Variants in TMEM209 observed in about 807,000 individuals in gnomAD.
TMEM209 encodes the protein testicular tissue protein Li 202.
A neutral mutation model predicts 76.2 loss-of-function variants in TMEM209; 65 were observed. The ratio of observed to expected loss-of-function variants is 0.85; its 90% CI spans 0.70 to 1.05. The LOEUF (loss-of-function observed/expected upper bound fraction) is 1.05. Among genes scored for constraint, TMEM209 ranks in the 50% least tolerant of loss-of-function variants. TMEM209 has a pLI of 0.00. For synonymous variants in TMEM209, 239 were observed against 237.6 expected, an observed-to-expected ratio of 1.01 and a Z score of -0.06; for missense variants, 623 against 685.5, an observed-to-expected ratio of 0.91 and a Z score of 1.02.
intron 5 of TMEM209, 145 bp from the exon 6 acceptor site, chr7:130,192,968 C>T (rs1797850139): frequency 1.4e-6 from 1 of 728,034 alleles, no homozygotes; most frequent in Non-Finnish European, 2.2e-6. Flanking sequence ...TGTGGAACAA[C>T]AGAATCTCTC....
rs1447223651 is a variant in TMEM209 at position 130,194,152 on chromosome 7, T to C, written c.574-1329A>G. On this transcript the variant is annotated intron_variant, in intron 5 of 14. Transcript: ENST00000397622. Reference sequence around the variant, plus strand: ...AGGCGGAGCTTGCAGTGAGCCGAGATTGCACCACCGCACTCCAGCCTGGGT... The same window carrying C: ...AGGCGGAGCTTGCAGTGAGCCGAGACTGCACCACCGCACTCCAGCCTGGGT... Among the ~76,000 whole-genome samples the C allele has an allele frequency of 4.6e-5, 7 of 151,130 alleles. No homozygotes were observed. The East Asian group carries it at 1.4e-3, about 30-fold the overall frequency.
At chr7:130,203,897 CA>C in intron 2 of TMEM209, 51 bp from the exon 3 acceptor site, 1 of 1,590,136 alleles carries the variant, frequency 6.3e-7, no homozygotes, top group South Asian at 1.2e-5. Context: ...CACCAAAAAT[CA>C]AAAACAAACA....
intron 4 of TMEM209, 54 bp from the exon 5 acceptor site, chr7:130,202,145 C>A: frequency 1.3e-6 from 2 of 1,534,096 alleles, no homozygotes; most frequent in Non-Finnish European, 8.8e-7. Flanking sequence ...TAAAATTATA[C>A]GAAAATATAT....
At chr7:130,195,851 T>C (rs951052002) in intron 5 of TMEM209, among the ~76,000 whole-genome samples, 3 of 152,148 alleles carry the variant, frequency 2.0e-5, no homozygotes, top group Non-Finnish European at 2.9e-5. Context: ...GAATACCAAG[T>C]ATTTAGGCAG....
chr7:130,203,859 TAGAA>T lies in TMEM209; in HGVS notation c.141-17_141-14del. 6.3e-7 allele frequency: 1 copy of T among 1,598,000 alleles called. No homozygotes were observed. Among genetic ancestry groups the T allele is most frequent in the Non-Finnish European group, 8.5e-7 (1 of 1,171,664 alleles). The stretch of plus-strand genomic sequence containing the variant: ...CAATTTTCCAGTCCTGAAAAAAAAT[TAGAA>T]AGGCTTTCCAGTGAACCTAAAAACA... On this transcript the variant is annotated splice_polypyrimidine_tract_variant and intron_variant, in intron 2 of 14. Transcript: ENST00000397622.
intron 10 of TMEM209, among the ~76,000 whole-genome samples, chr7:130,176,238 G>GAGT: frequency 6.6e-6 from 1 of 151,202 alleles, no homozygotes; most frequent in Non-Finnish European, 1.5e-5. Flanking sequence ...TCAGCCTCCT[G>GAGT]AGTAGCTGGG....
At chr7:130,203,521 T>C (rs765474073) in intron 3 of TMEM209, among the ~76,000 whole-genome samples, 4 of 152,056 alleles carry the variant, frequency 2.6e-5, no homozygotes, top group African/African-American at 4.8e-5. Context: ...AGGAGAGTAA[T>C]AAAAACAAAT....
chr7:130,194,247 G>C (rs1328351725), intron 5 of TMEM209, among the ~76,000 whole-genome samples: 1 of 150,902 alleles, frequency 6.6e-6, no homozygotes, highest in Non-Finnish European at 1.5e-5. Flanking sequence ...TACTGATCAT[G>C]GGGGAGGCTA....
chr7:130,186,614 G>C (rs1797607524), intron 6 of TMEM209, among the ~76,000 whole-genome samples: 2 of 152,158 alleles, frequency 1.3e-5, no homozygotes, highest in Admixed American at 1.3e-4. Context: ...AGAAACGTAA[G>C]TTTTCTATGA....
At chr7:130,185,127 G>T in intron 7 of TMEM209, 65 bp downstream of exon 7, 2 of 1,501,956 alleles carry the variant, frequency 1.3e-6, no homozygotes, top group South Asian at 1.3e-5. Context: ...AAATGTTCCA[G>T]AAGTAGAAGA....
intron 14 of TMEM209, among the ~76,000 whole-genome samples, chr7:130,167,498 C>A (rs1428916042): frequency 6.6e-6 from 1 of 152,056 alleles, no homozygotes; most frequent in Non-Finnish European, 1.5e-5. Context: ...TACCTTTGTC[C>A]ATTTTTCTAA....
intron 5 of TMEM209, among the ~76,000 whole-genome samples, chr7:130,201,558 G>A (rs1198574903): frequency 6.6e-6 from 1 of 152,128 alleles, no homozygotes; most frequent in African/African-American, 2.4e-5. Context: ...AGGGAAAACA[G>A]GAGTAAAAGC....
chr7:130,195,740 C>G (rs1266702575), intron 5 of TMEM209, among the ~76,000 whole-genome samples: 1 of 151,514 alleles, frequency 6.6e-6, no homozygotes, highest in Non-Finnish European at 1.5e-5. Flanking sequence ...TTTTACAGAT[C>G]CCAGGGAGAA....
At chr7:130,175,387 G>A in intron 11 of TMEM209, 125 bp downstream of exon 11, 2 of 842,498 alleles carry the variant, frequency 2.4e-6, no homozygotes, top group African/African-American at 1.7e-5. Flanking sequence ...CTTGAGCCCT[G>A]GGAGATCAAA....
chr7:130,191,328 T>G (rs190775883), intron 6 of TMEM209, among the ~76,000 whole-genome samples: 2 of 151,634 alleles, frequency 1.3e-5, no homozygotes, highest in Admixed American at 6.6e-5. Flanking sequence ...TCTGACAGAA[T>G]TGCAAGAAAA....
intron 8 of TMEM209, among the ~76,000 whole-genome samples, chr7:130,182,226 G>C (rs913696448): frequency 1.3e-5 from 2 of 152,076 alleles, no homozygotes; most frequent in Non-Finnish European, 2.9e-5. Context: ...ACAGGCGTGA[G>C]CCACTGCGCC....
At chr7:130,185,057 C>T in intron 7 of TMEM209, 135 bp downstream of exon 7, 1 of 1,025,626 alleles carries the variant, frequency 9.8e-7, no homozygotes, top group Non-Finnish European at 1.4e-6. Context: ...AGGAGCTTTC[C>T]CACTGCCTAA....
chr7:130,202,411 T>G (rs1299661791), intron 4 of TMEM209, 121 bp downstream of exon 4: 1 of 1,336,578 alleles, frequency 7.5e-7, no homozygotes, highest in African/African-American at 1.5e-5. Flanking sequence ...CAATTTATTG[T>G]ATCCTGCTTA....
chr7:130,177,574 A>G (rs781735870), intron 10 of TMEM209, among the ~76,000 whole-genome samples: 3 of 152,042 alleles, frequency 2.0e-5, no homozygotes, highest in Non-Finnish European at 4.4e-5. Flanking sequence ...TTAGTGATAT[A>G]CAAAGAAATA....
Sources: allele counts gnomAD v4.1 joint callset (sites outside exome capture counted in the v4.1 genomes callset), GRCh38; gene constraint gnomAD v4.1.1; transcripts MANE v1.5; gene names NCBI Gene and HGNC (gene_info 2026-07-23, HGNC 2026-07-21).